The following PLCH1 variants were observed in gnomAD, a reference collection of about 807,000 sequenced individuals.
The protein encoded by PLCH1 is phospholipase C eta 1, also known as 1-phosphatidylinositol 4,5-bisphosphate phosphodiesterase eta-1.
Under a neutral mutation model 126.7 loss-of-function variants are expected in PLCH1, and 60 were observed. That is an observed-to-expected ratio of 0.47 (90% confidence interval 0.38 to 0.59). PLCH1 has a LOEUF of 0.59. PLCH1 is among the 20% of genes least tolerant of loss of function. The probability of loss-of-function intolerance (pLI) is 0.00; values close to 1 mark genes in which losing one functional copy is unlikely to be tolerated. For missense variants in PLCH1, 1,723 were observed against 2,040.0 expected (o/e 0.84, Z 2.99); for synonymous variants, 719 against 734.9 (o/e 0.98, Z 0.35).
At chr3:155,738,464 G>A (rs2109207641) in intron 1 of PLCH1, among the ~76,000 whole-genome samples, 1 of 152,224 alleles carries the variant, frequency 6.6e-6, no homozygotes, top group East Asian at 1.9e-4. Context: ...AATATAGTGA[G>A]ACCCTGTCTC....
At chr3:155,558,399 GT>G (rs1264048295) in intron 8 of PLCH1, among the ~76,000 whole-genome samples, 2 of 152,184 alleles carry the variant, frequency 1.3e-5, no homozygotes, top group Admixed American at 1.3e-4. Context: ...GTATACAGCA[GT>G]ACCCCTTTAT....
chr3:155,502,811 C>T (rs905387273), intron 13 of PLCH1, among the ~76,000 whole-genome samples: 1 of 152,124 alleles, frequency 6.6e-6, no homozygotes, highest in Non-Finnish European at 1.5e-5. Flanking sequence ...GAATGATTCA[C>T]GGATTACTTA....
At chr3:155,713,845 T>A (rs1466732552) in intron 1 of PLCH1, among the ~76,000 whole-genome samples, 1 of 152,204 alleles carries the variant, frequency 6.6e-6, no homozygotes, top group African/African-American at 2.4e-5. Context: ...CAATATTCTA[T>A]TAATAAGGAT....
chr3:155,601,623 T>C (rs1224967140), intron 2 of PLCH1, among the ~76,000 whole-genome samples: 4 of 152,222 alleles, frequency 2.6e-5, no homozygotes, highest in Non-Finnish European at 5.9e-5. Flanking sequence ...GAAGGTTTAA[T>C]TCTTCCAATT....
intron 4 of PLCH1, among the ~76,000 whole-genome samples, chr3:155,588,143 G>A (rs190359921): frequency 1.2e-4 from 19 of 152,248 alleles, no homozygotes; most frequent in Admixed American, 1.2e-3. Flanking sequence ...CTAAAATTAA[G>A]TAGAGGATAT....
intron 10 of PLCH1, among the ~76,000 whole-genome samples, chr3:155,543,817 A>C (rs1278212398): frequency 5.3e-5 from 8 of 150,944 alleles, no homozygotes; most frequent in South Asian, 2.1e-4. Context: ...GAAATAAAAT[A>C]CTTTACAGAC....
At chr3:155,521,055 C>A (rs192048453) in intron 11 of PLCH1, among the ~76,000 whole-genome samples, 1 of 152,290 alleles carries the variant, frequency 6.6e-6, no homozygotes, top group Admixed American at 6.5e-5. Flanking sequence ...CAGGTATCAG[C>A]ATGGCTAACT....
At chr3:155,541,816 T>TCA (rs111762149) in intron 10 of PLCH1, among the ~76,000 whole-genome samples, 109,868 of 150,286 alleles carry the variant, frequency 0.73, 42,033 homozygotes, top group Non-Finnish European at 0.87. Context: ...CTTCAATTTG[T>TCA]TACACACACA....
chr3:155,543,636 G>C (rs1235097517), intron 10 of PLCH1, among the ~76,000 whole-genome samples: 1 of 151,854 alleles, frequency 6.6e-6, no homozygotes, highest in Non-Finnish European at 1.5e-5. Flanking sequence ...GGCAGCCAGA[G>C]AGAAAGGTCG....
At chr3:155,537,220 A>AAAAAAAAAAAAAAAAC (rs1723537373) in intron 10 of PLCH1, among the ~76,000 whole-genome samples, 1 of 12,146 alleles carries the variant, frequency 8.2e-5, no homozygotes, top group African/African-American at 1.2e-4. Flanking sequence ...AAAAAAAAAA[A>AAAAAAAAAAAAAAAAC]AAAAAAAAAA....
At chr3:155,613,908 C>T (rs1214135613) in intron 2 of PLCH1, among the ~76,000 whole-genome samples, 1 of 152,138 alleles carries the variant, frequency 6.6e-6, no homozygotes, top group Non-Finnish European at 1.5e-5. Flanking sequence ...CCTAAAGACA[C>T]ACCCAAAATG....
At chr3:155,661,718 C>T (rs1366258550) in intron 2 of PLCH1, among the ~76,000 whole-genome samples, 3 of 152,160 alleles carry the variant, frequency 2.0e-5, no homozygotes, top group Non-Finnish European at 2.9e-5. Context: ...TTTCCCACCT[C>T]ATTCATATAA....
chr3:155,463,501 T>G (rs924293387), intron 21 of PLCH1, among the ~76,000 whole-genome samples: 1 of 152,002 alleles, frequency 6.6e-6, no homozygotes, highest in African/African-American at 2.4e-5. Context: ...AGGACTAACG[T>G]AGGAGTTGGA....
chr3:155,737,159 A>G (rs1749252093), intron 1 of PLCH1, among the ~76,000 whole-genome samples: 2 of 141,294 alleles, frequency 1.4e-5, no homozygotes, highest in Admixed American at 7.6e-5. Flanking sequence ...ATGAATCCGG[A>G]AAGCGGAGGT....
At chr3:155,728,715 C>T (rs1748527952) in intron 1 of PLCH1, among the ~76,000 whole-genome samples, 1 of 152,262 alleles carries the variant, frequency 6.6e-6, no homozygotes, top group South Asian at 2.1e-4. Flanking sequence ...TCCTTTCTAC[C>T]TCCCTATTCT....
chr3:155,482,807 G>C lies in PLCH1; in HGVS notation c.3219C>G (p.Ser1073Arg), dbSNP rs1714386585. 6.2e-7 allele frequency: 1 copy of C among 1,614,076 alleles called. No homozygotes were observed. Among genetic ancestry groups the C allele is most frequent in the African/African-American group, 1.3e-5 (1 of 74,992 alleles). ...AATGCTGCTTTGGGGAGAGAGACTTGCTGGGACAGGGGTTTTCCTGGCAAT... is the reference window on the plus strand; with the variant it reads ...AATGCTGCTTTGGGGAGAGAGACTTCCTGGGACAGGGGTTTTCCTGGCAAT... ...TSNCQENPCP[S>R]KSLSPKQHLA... Residue 1073 changes from serine (S) to arginine (R), a missense_variant, in exon 23 of 23, where the codon AGC becomes AGG. Physicochemically the swap from Ser to Arg is moderately radical, Grantham distance 110 (BLOSUM62 -1). Transcript: ENST00000460012.
chr3:155,492,707 C>T, intron 18 of PLCH1, 22 bp downstream of exon 18: 1 of 1,538,834 alleles, frequency 6.5e-7, no homozygotes, highest in Non-Finnish European at 8.7e-7. Flanking sequence ...ACCACTTAGA[C>T]ACGTAGTCAT....
intron 21 of PLCH1, among the ~76,000 whole-genome samples, chr3:155,469,152 C>T (rs536209964): frequency 2.0e-5 from 3 of 152,332 alleles, no homozygotes; most frequent in African/African-American, 7.2e-5. Context: ...TTCTGCATTT[C>T]CATCTGAGGT....
chr3:155,491,252 CG>C (rs1353645797), intron 18 of PLCH1, among the ~76,000 whole-genome samples: 1 of 151,968 alleles, frequency 6.6e-6, no homozygotes, highest in Non-Finnish European at 1.5e-5. Flanking sequence ...GTGGAATATA[CG>C]TTTTTTGTTT....
Sources: allele counts gnomAD v4.1 joint callset (sites outside exome capture counted in the v4.1 genomes callset), GRCh38; gene constraint gnomAD v4.1.1; transcripts MANE v1.5; gene names NCBI Gene and HGNC (gene_info 2026-07-23, HGNC 2026-07-21).